GRIN2A: variants seen among roughly 807,000 people sequenced by gnomAD.
The protein encoded by GRIN2A is glutamate receptor ionotropic, NMDA 2A.
In GRIN2A, 22 loss-of-function variants were observed where a neutral mutation model predicts 113.4. The ratio of observed to expected loss-of-function variants is 0.19; its 90% confidence interval spans 0.14 to 0.28. The LOEUF is 0.28. Among genes scored for constraint, GRIN2A ranks in the 10% least tolerant of loss-of-function variants. The pLI, the probability that GRIN2A is intolerant of heterozygous loss-of-function variation, is 1.00. For missense variants in GRIN2A, 1,502 were observed against 1,887.0 expected, an observed-to-expected ratio of 0.80 and a Z score of 3.78; for synonymous variants, 827 against 738.4, an observed-to-expected ratio of 1.12 and a Z score of -1.94.
At chr16:9,854,071 T>C (rs866369782) in intron 4 of GRIN2A, among the ~76,000 whole-genome samples, 25 of 152,290 alleles carry the variant, frequency 1.6e-4, no homozygotes, top group South Asian at 1.5e-3. Flanking sequence ...TGTCCACAGC[T>C]TCTAACTCAG....
chr16:9,866,982 G>C (rs1596516840), intron 4 of GRIN2A, among the ~76,000 whole-genome samples: 1 of 152,282 alleles, frequency 6.6e-6, no homozygotes, highest in East Asian at 1.9e-4. Context: ...CTCCTCTCCA[G>C]CGTCATCCCT....
chr16:10,179,898 C>CAA, intron 2 of GRIN2A, 100 bp downstream of exon 2: 12 of 490,206 alleles, frequency 2.4e-5, no homozygotes, highest in East Asian at 6.6e-5. Flanking sequence ...ACCCCCACTT[C>CAA]ACATCAAGAC....
intron 2 of GRIN2A, among the ~76,000 whole-genome samples, chr16:10,109,880 CA>C (rs949501978): frequency 8.2e-5 from 12 of 145,962 alleles, no homozygotes; most frequent in Non-Finnish European, 1.5e-4. Context: ...TATGTACCCA[CA>C]AAAAAAATAA....
intron 2 of GRIN2A, among the ~76,000 whole-genome samples, chr16:10,012,194 G>C (rs2046518996): frequency 6.6e-6 from 1 of 152,120 alleles, no homozygotes; most frequent in Admixed American, 6.5e-5. Flanking sequence ...GTTATGCTTT[G>C]TCTTACATAT....
chr16:9,993,728 T>C (rs2046170734), intron 2 of GRIN2A, among the ~76,000 whole-genome samples: 1 of 152,032 alleles, frequency 6.6e-6, no homozygotes, highest in Non-Finnish European at 1.5e-5. Flanking sequence ...ACCCAAAAAC[T>C]CTGTCAGAGA....
Position 9,762,908 on chromosome 16 carries a change from A to G in GRIN2A, c.*241T>C, listed in dbSNP as rs1434497503. ...GAGACTTGCCCTTATGTAGTTAGTT[A>G]TTTTTGGTTAAGGACTCACCTATCT... On this transcript the variant is annotated 3_prime_UTR_variant, in exon 13 of 13. Coordinates refer to ENST00000330684, the MANE Select transcript of GRIN2A (RefSeq NM_001134407.3). 1 of 577,428 alleles carries G rather than the reference A, an allele frequency of 1.7e-6. No homozygotes were observed. The highest frequency in any genetic ancestry group is 2.8e-5 in the East Asian group (1 of 35,162). 35.8% of individuals were successfully genotyped at this position (577,428 alleles called of 1,614,324 possible). A position where few individuals can be genotyped will look rare whatever the true frequency, so the allele number is the denominator to read the frequency against.
chr16:9,877,069 A>G (rs1194304098), intron 4 of GRIN2A, among the ~76,000 whole-genome samples: 3 of 152,210 alleles, frequency 2.0e-5, no homozygotes, highest in Non-Finnish European at 4.4e-5. Context: ...AAAGTACTGG[A>G]ACAAGCACTA....
intron 10 of GRIN2A, among the ~76,000 whole-genome samples, chr16:9,808,315 G>T (rs1442418608): frequency 1.3e-5 from 2 of 152,106 alleles, no homozygotes; most frequent in Non-Finnish European, 2.9e-5. Flanking sequence ...CTTGTCCAAG[G>T]TCCCAACACT....
intron 2 of GRIN2A, among the ~76,000 whole-genome samples, chr16:9,997,574 C>A (rs1157303071): frequency 6.6e-6 from 1 of 152,200 alleles, no homozygotes; most frequent in Non-Finnish European, 1.5e-5. Context: ...TCATCCCCAA[C>A]ATCGACCATT....
chr16:9,938,567 A>T lies in GRIN2A; in HGVS notation c.415-16T>A. 6.3e-7 allele frequency: 1 copy of T among 1,587,260 alleles called. No individual in the cohort carries two copies. Among genetic ancestry groups the T allele is most frequent in the African/African-American group, 1.3e-5 (1 of 74,768 alleles). On this transcript the variant is annotated splice_polypyrimidine_tract_variant and intron_variant, in intron 2 of 12. Transcript: ENST00000330684. ...ACGTCGGATCCTGCCAGTGAAAAGA[A>T]AGTAAAACAGAGGATGAGGCAGGAG...
chr16:10,044,155 G>C (rs1429117266), intron 2 of GRIN2A, among the ~76,000 whole-genome samples: 1 of 151,450 alleles, frequency 6.6e-6, no homozygotes, highest in East Asian at 1.9e-4. Flanking sequence ...CCAGGTCCCG[G>C]TTCAAGCAAT....
At chr16:9,921,792 G>A (rs1317649531) in intron 3 of GRIN2A, among the ~76,000 whole-genome samples, 1 of 152,134 alleles carries the variant, frequency 6.6e-6, no homozygotes, top group Admixed American at 6.5e-5. Context: ...AACCTAGAAG[G>A]TGTAGTGGAA....
At chr16:9,916,443 C>A (rs1479155137) in intron 3 of GRIN2A, among the ~76,000 whole-genome samples, 1 of 152,182 alleles carries the variant, frequency 6.6e-6, no homozygotes, top group Non-Finnish European at 1.5e-5. Flanking sequence ...TCGAGGTCTT[C>A]TCATTCTTCC....
chr16:10,052,846 G>A lies in GRIN2A; in HGVS notation c.415-114295C>T, dbSNP rs371963960. ...GCAGATCACCTGAGATCAAGAGTTC[G>A]AGTCCAGCCTGGCCAACATGGTGAA... On this transcript the variant is annotated intron_variant, in intron 2 of 12. Transcript: ENST00000330684. Among the ~76,000 whole-genome samples the A allele has an allele frequency of 7.6e-4, 116 of 152,180 alleles. No individual in the cohort carries two copies. In the South Asian group the frequency reaches 0.023, roughly 31 times the overall value.
At chr16:9,908,908 T>G (rs1215525429) in intron 3 of GRIN2A, among the ~76,000 whole-genome samples, 1 of 152,108 alleles carries the variant, frequency 6.6e-6, no homozygotes, top group Non-Finnish European at 1.5e-5. Context: ...CAGAGCTGGC[T>G]GGGGGATGAA....
intron 2 of GRIN2A, among the ~76,000 whole-genome samples, chr16:10,039,838 G>C (rs73506684): frequency 0.017 from 1,591 of 95,816 alleles, 85 homozygotes; most frequent in African/African-American, 0.073. Context: ...AGAGAGAGGA[G>C]TCCTGGTCCA....
At chr16:9,909,219 T>C (rs540342794) in intron 3 of GRIN2A, among the ~76,000 whole-genome samples, 1 of 152,302 alleles carries the variant, frequency 6.6e-6, no homozygotes, top group African/African-American at 2.4e-5. Context: ...ATGAGACTTA[T>C]TCACTATCAC....
chr16:9,985,561 T>C lies in GRIN2A; in HGVS notation c.415-47010A>G, dbSNP rs145091267. Among the ~76,000 whole-genome samples the C allele has an allele frequency of 3.6e-3, 548 of 152,106 alleles. 1 individual carries two copies. The highest frequency in any genetic ancestry group is 0.011 in the African/African-American group (450 of 41,492). ...CAACAATATGGATGGAACTGGAGGT[T>C]AGTATGTTAAATGAAATAAGCCAGG... On this transcript the variant is annotated intron_variant, in intron 2 of 12. Transcript: ENST00000330684.
intron 2 of GRIN2A, chr16:10,112,836 G>T: frequency 1.6e-6 from 1 of 607,890 alleles, no homozygotes; most frequent in South Asian, 1.5e-5. Flanking sequence ...AGCCCAGATC[G>T]AGGGTGGCGT....
Sources: gnomAD v4.1 joint callset for allele counts (sites outside exome capture counted in the v4.1 genomes callset) on GRCh38, gnomAD v4.1.1 for gene constraint, MANE v1.5 for transcripts, NCBI Gene and HGNC (gene_info 2026-07-23, HGNC 2026-07-21) for gene names.